The following ASB4 variants were observed in gnomAD, a reference collection of about 807,000 sequenced individuals.
The protein encoded by ASB4 is ankyrin repeat and SOCS box protein 4.
In ASB4, 35 loss-of-function variants were observed where a neutral mutation model predicts 38.6. That is an observed-to-expected ratio of 0.91 (90% CI 0.69 to 1.20). The LOEUF (loss-of-function observed/expected upper bound fraction) is 1.20. Among genes scored for constraint, ASB4 ranks in the 50% most tolerant of loss-of-function variants. ASB4 has a pLI of 0.00. For synonymous variants in ASB4, 195 were observed against 201.3 expected, an observed-to-expected ratio of 0.97 and a Z score of 0.26; for missense variants, 557 against 527.2, an observed-to-expected ratio of 1.06 and a Z score of -0.55.
At chr7:95,483,929 A>G (rs1387904099), upstream of ASB4, among the ~76,000 whole-genome samples, 2 of 152,106 alleles carry the variant, frequency 1.3e-5, no homozygotes, top group African/African-American at 2.4e-5. Flanking sequence ...TTGGTTGAGG[A>G]AGTATTTCCA....
At chr7:95,534,626 T>A (rs939329903) in intron 3 of ASB4, among the ~76,000 whole-genome samples, 2 of 152,162 alleles carry the variant, frequency 1.3e-5, no homozygotes, top group Admixed American at 6.5e-5. Flanking sequence ...GATGCACTTG[T>A]CTTCTCCTCT....
intron 1 of ASB4, chr7:95,478,726 C>A (rs1324069513): frequency 6.6e-6 from 1 of 152,088 alleles, no homozygotes. Context: ...GAGAGGGATG[C>A]CAGGCCACAA....
chr7:95,474,708 T>A (rs1789959461), upstream of ASB4, among the ~76,000 whole-genome samples: 1 of 152,054 alleles, frequency 6.6e-6, no homozygotes, highest in Non-Finnish European at 1.5e-5. Context: ...AAATTTTTTT[T>A]AGAGATGGGT....
At chr7:95,513,740 A>G (rs532355599) in intron 2 of ASB4, among the ~76,000 whole-genome samples, 13 of 152,068 alleles carry the variant, frequency 8.5e-5, no homozygotes, top group Non-Finnish European at 1.5e-4. Flanking sequence ...TAAATAATCA[A>G]TTTGTGTTGT....
chr7:95,524,035 G>A (rs558864325), intron 2 of ASB4, among the ~76,000 whole-genome samples: 1 of 152,260 alleles, frequency 6.6e-6, no homozygotes, highest in South Asian at 2.1e-4. Flanking sequence ...CCTCACCCAT[G>A]GCTTATCGGA....
chr7:95,515,771 G>A (rs550709962), intron 2 of ASB4, among the ~76,000 whole-genome samples: 5 of 152,142 alleles, frequency 3.3e-5, no homozygotes, highest in Non-Finnish European at 7.3e-5. Flanking sequence ...ATTCCCCCTG[G>A]ACTAAAGGAC....
intron 2 of ASB4, among the ~76,000 whole-genome samples, chr7:95,499,865 C>CTTTT (rs61250820): frequency 2.2e-4 from 17 of 77,216 alleles, no homozygotes; most frequent in African/African-American, 6.3e-4. Context: ...GATACATCCT[C>CTTTT]TTTTTTTTTT....
At chr7:95,529,896 GAGTA>G (rs1455291526) in intron 3 of ASB4, among the ~76,000 whole-genome samples, 5 of 152,158 alleles carry the variant, frequency 3.3e-5, no homozygotes, top group East Asian at 1.9e-4. Context: ...AAGTCACACA[GAGTA>G]AGTGTCAAGT....
At chr7:95,536,287 C>A in intron 3 of ASB4, 150 bp from the exon 4 acceptor site, 1 of 534,252 alleles carries the variant, frequency 1.9e-6, no homozygotes, top group Non-Finnish European at 3.4e-6. Context: ...TGGGCTCAAG[C>A]AATCCTCCTG....
chr7:95,525,189 A>G (rs1241073643), intron 2 of ASB4, among the ~76,000 whole-genome samples: 1 of 152,182 alleles, frequency 6.6e-6, no homozygotes, highest in Admixed American at 6.5e-5. Context: ...ATTCTCCTCC[A>G]AAGTCTCTGG....
upstream of ASB4, among the ~76,000 whole-genome samples, chr7:95,474,483 T>C (rs1377517633): frequency 2.0e-5 from 3 of 152,208 alleles, no homozygotes; most frequent in South Asian, 2.1e-4. Context: ...CTGGTTATGA[T>C]TGCAGAATGT....
chr7:95,535,809 C>A (rs750802109), intron 3 of ASB4, among the ~76,000 whole-genome samples: 1 of 152,160 alleles, frequency 6.6e-6, no homozygotes, highest in Non-Finnish European at 1.5e-5. Context: ...GTACATGACA[C>A]CAGCCCTCTG....
intron 3 of ASB4, chr7:95,528,629 C>T (rs1790779187): frequency 7.9e-7 from 1 of 1,267,478 alleles, no homozygotes; most frequent in Non-Finnish European, 9.9e-7. Flanking sequence ...GACAGGCATA[C>T]ATTTGCCATC....
intron 3 of ASB4, among the ~76,000 whole-genome samples, chr7:95,533,972 C>T (rs1012253265): frequency 8.5e-5 from 13 of 152,176 alleles, no homozygotes; most frequent in Non-Finnish European, 1.8e-4. Context: ...TTCATGGCTT[C>T]TGCCAGCACA....
intron 2 of ASB4, among the ~76,000 whole-genome samples, chr7:95,522,314 G>T (rs563953898): frequency 6.6e-6 from 1 of 152,216 alleles, no homozygotes; most frequent in East Asian, 1.9e-4. Context: ...TGATGGCAAT[G>T]ATGCTCGTGG....
Position 95,539,677 on chromosome 7 carries a change from A to C in ASB4, c.*1918A>C, listed in dbSNP as rs902574366. 6.6e-6 allele frequency: 1 copy of C among 152,448 alleles called. No individual in the cohort carries two copies. Among genetic ancestry groups the C allele is most frequent in the Non-Finnish European group, 1.5e-5 (1 of 68,248 alleles). The allele number at this position is 152,448 out of a possible 1,614,324, so 9.4% of individuals were successfully genotyped here. ...TGTTCTCACTTATAAGTGGGAGCTA[A>C]GCAATGAGGATGCAAAGACATCCAG... On this transcript the variant is annotated 3_prime_UTR_variant, in exon 5 of 5. Transcript: ENST00000325885.
chr7:95,498,564 G>A (rs913916313), intron 2 of ASB4, among the ~76,000 whole-genome samples: 1 of 152,090 alleles, frequency 6.6e-6, no homozygotes, highest in Non-Finnish European at 1.5e-5. Flanking sequence ...ATTGATTTGA[G>A]AGAGTTCTTG....
rs546243204 is a variant in ASB4 at position 95,507,947 on chromosome 7, G to C, written c.487+11890G>C. On this transcript the variant is annotated intron_variant, in intron 2 of 4. Coordinates refer to ENST00000325885, the MANE Select transcript of ASB4 (RefSeq NM_016116.3). The stretch of plus-strand genomic sequence containing the variant: ...GAGCGACGGATGCAGAAGTCAGAGT[G>C]GGGGGGATTGAGAACTAAAAAGGAG... 5.3e-5 allele frequency among the ~76,000 whole-genome samples: 8 copies of C among 152,164 alleles called. No homozygotes were observed. In the East Asian group the frequency reaches 5.8e-4, roughly 11 times the overall value.
At chr7:95,536,666 C>A in intron 4 of ASB4, 116 bp downstream of exon 4, 1 of 596,124 alleles carries the variant, frequency 1.7e-6, no homozygotes, top group Non-Finnish European at 3.0e-6. Flanking sequence ...AAAGCGTACT[C>A]AAATGCAATG....
Sources: allele counts gnomAD v4.1 joint callset (sites outside exome capture counted in the v4.1 genomes callset), GRCh38; gene constraint gnomAD v4.1.1; transcripts MANE v1.5; gene names NCBI Gene and HGNC (gene_info 2026-07-23, HGNC 2026-07-21).